Variants in RGS7 observed in about 807,000 individuals in gnomAD.
RGS7 encodes the protein regulator of G protein signaling 7.
Under a neutral mutation model 81.1 loss-of-function variants are expected in RGS7, and 27 were observed. The observed-to-expected ratio is 0.33, with a 90% CI of 0.25 to 0.46. The LOEUF (loss-of-function observed/expected upper bound fraction) is 0.46. RGS7 is among the 20% of genes least tolerant of loss of function. The pLI, the probability that RGS7 is intolerant of heterozygous loss-of-function variation, is 1.00. For synonymous variants in RGS7, 208 were observed against 207.7 expected (o/e 1.00, Z -0.01); for missense variants, 396 against 607.4 (o/e 0.65, Z 3.66).
At chr1:241,205,271 G>A (rs1282107293) in intron 2 of RGS7, among the ~76,000 whole-genome samples, 4 of 148,712 alleles carry the variant, frequency 2.7e-5, no homozygotes, top group African/African-American at 7.4e-5. Context: ...CAGTAGAGAC[G>A]GGGTTTCACC....
intron 3 of RGS7, among the ~76,000 whole-genome samples, chr1:240,996,343 T>C (rs1285112713): frequency 6.6e-6 from 1 of 152,202 alleles, no homozygotes; most frequent in Admixed American, 6.5e-5. Context: ...TCTACATCCT[T>C]ACTGATTTTT....
intron 9 of RGS7, among the ~76,000 whole-genome samples, chr1:240,835,297 C>T (rs1388664721): frequency 2.0e-5 from 3 of 152,154 alleles, no homozygotes; most frequent in African/African-American, 4.8e-5. Flanking sequence ...GAACAGGCAC[C>T]TCACCAAAGA....
At chr1:241,016,288 G>A (rs550841774) in intron 3 of RGS7, among the ~76,000 whole-genome samples, 1 of 152,230 alleles carries the variant, frequency 6.6e-6, no homozygotes, top group South Asian at 2.1e-4. Context: ...GGGAGGCCAA[G>A]GTGGTCTGAT....
At chr1:241,327,118 G>GA (rs1558321400) in intron 2 of RGS7, among the ~76,000 whole-genome samples, 1 of 108,988 alleles carries the variant, frequency 9.2e-6, no homozygotes, top group East Asian at 2.5e-4. Flanking sequence ...AAGAAAGAAA[G>GA]AAAGAAAGAA....
chr1:241,090,856 T>C (rs1478294917), intron 3 of RGS7, among the ~76,000 whole-genome samples: 2 of 152,124 alleles, frequency 1.3e-5, no homozygotes, highest in South Asian at 2.1e-4. Context: ...CAGGACTACA[T>C]CTGGAACAGG....
chr1:241,256,751 C>A (rs1038322432), intron 2 of RGS7, among the ~76,000 whole-genome samples: 2 of 152,038 alleles, frequency 1.3e-5, no homozygotes, highest in African/African-American at 4.8e-5. Flanking sequence ...CTAATCCCAA[C>A]CAGGAGGGCT....
intron 3 of RGS7, among the ~76,000 whole-genome samples, chr1:240,998,087 G>C (rs1687566768): frequency 6.6e-6 from 1 of 152,132 alleles, no homozygotes; most frequent in South Asian, 2.1e-4. Flanking sequence ...ATTACGGATT[G>C]ACAGTTCTTT....
At chr1:241,045,304 T>C (rs951180338) in intron 3 of RGS7, among the ~76,000 whole-genome samples, 1 of 152,218 alleles carries the variant, frequency 6.6e-6, no homozygotes, top group Non-Finnish European at 1.5e-5. Context: ...CCTTCTCTTT[T>C]GCATAAATTT....
At chr1:241,161,829 T>C (rs1021831577) in intron 2 of RGS7, among the ~76,000 whole-genome samples, 1 of 151,642 alleles carries the variant, frequency 6.6e-6, no homozygotes, top group Non-Finnish European at 1.5e-5. Context: ...GCGATTCTCC[T>C]GCCTCAGCCA....
intron 4 of RGS7, among the ~76,000 whole-genome samples, chr1:240,942,453 C>T (rs900847613): frequency 6.6e-6 from 1 of 152,128 alleles, no homozygotes; most frequent in Non-Finnish European, 1.5e-5. Flanking sequence ...TAATAAAATG[C>T]CTCTGAGTCA....
intron 3 of RGS7, among the ~76,000 whole-genome samples, chr1:241,024,889 T>G (rs1017813241): frequency 6.6e-6 from 1 of 152,180 alleles, no homozygotes; most frequent in African/African-American, 2.4e-5. Flanking sequence ...GTCAAAGAGA[T>G]TGCTGATTGC....
At chr1:240,945,971 T>C (rs1678532956) in intron 4 of RGS7, among the ~76,000 whole-genome samples, 1 of 152,186 alleles carries the variant, frequency 6.6e-6, no homozygotes, top group Admixed American at 6.5e-5. Flanking sequence ...ACCTACTGGA[T>C]AGAGATCATC....
At chr1:240,881,029 T>C (rs779395824) in intron 6 of RGS7, among the ~76,000 whole-genome samples, 31 of 152,208 alleles carry the variant, frequency 2.0e-4, no homozygotes, top group Admixed American at 5.9e-4. Flanking sequence ...ATTATATTTA[T>C]GCTGAATACA....
intron 14 of RGS7, among the ~76,000 whole-genome samples, chr1:240,809,567 T>G (rs1283960262): frequency 6.6e-6 from 1 of 152,162 alleles, no homozygotes; most frequent in Non-Finnish European, 1.5e-5. Flanking sequence ...ACATGCAATC[T>G]GACCTCCTTA....
At chr1:241,034,523 G>A (rs2060236461) in intron 3 of RGS7, among the ~76,000 whole-genome samples, 1 of 152,022 alleles carries the variant, frequency 6.6e-6, no homozygotes, top group Admixed American at 6.5e-5. Flanking sequence ...TAAATAAAAG[G>A]TAACAAGGTC....
chr1:240,996,710 T>C (rs1687342527), intron 3 of RGS7, among the ~76,000 whole-genome samples: 1 of 152,228 alleles, frequency 6.6e-6, no homozygotes, highest in Non-Finnish European at 1.5e-5. Flanking sequence ...AGCAAGTTTC[T>C]TGGGGATAGC....
At chr1:240,820,650 C>T (rs184324577) in intron 10 of RGS7, among the ~76,000 whole-genome samples, 250 of 152,148 alleles carry the variant, frequency 1.6e-3, no homozygotes, top group Non-Finnish European at 2.5e-3. Context: ...TGAGGGAGCT[C>T]GTTTGCCGAT....
At chr1:241,025,627 T>C (rs1224810754) in intron 3 of RGS7, among the ~76,000 whole-genome samples, 1 of 152,112 alleles carries the variant, frequency 6.6e-6, no homozygotes, top group African/African-American at 2.4e-5. Context: ...GGGAAGATTG[T>C]CTTTTTGCTT....
At chr1:241,287,687 T>C (rs1451869611) in intron 2 of RGS7, among the ~76,000 whole-genome samples, 1 of 152,018 alleles carries the variant, frequency 6.6e-6, no homozygotes, top group Non-Finnish European at 1.5e-5. Context: ...AAGGAAGACC[T>C]CTCTGGTTAT....
Sources: allele counts gnomAD v4.1 joint callset (sites outside exome capture counted in the v4.1 genomes callset), GRCh38; gene constraint gnomAD v4.1.1; transcripts MANE v1.5; gene names NCBI Gene and HGNC (gene_info 2026-07-23, HGNC 2026-07-21).